DLGAP2: variants seen among roughly 807,000 people sequenced by gnomAD.
DLGAP2 encodes the protein DLG associated protein 2, also known as disks large-associated protein 2.
Under a neutral mutation model 100.3 loss-of-function variants are expected in DLGAP2, and 26 were observed. The observed-to-expected ratio is 0.26, with a 90% CI of 0.19 to 0.36. The LOEUF (loss-of-function observed/expected upper bound fraction) is 0.36. Among genes scored for constraint, DLGAP2 ranks in the 10% least tolerant of loss-of-function variants. The pLI is 1.00. For missense variants in DLGAP2, 1,858 were observed against 1,453.2 expected (o/e 1.28, Z -4.53); for synonymous variants, 886 against 630.1 (o/e 1.41, Z -6.08).
intron 7 of DLGAP2, among the ~76,000 whole-genome samples, chr8:1,630,628 G>A (rs1372950920): frequency 6.6e-6 from 1 of 151,998 alleles, no homozygotes; most frequent in African/African-American, 2.4e-5. Context: ...CGTGAATCCG[G>A]GAGGTGGAGC....
intron 1 of DLGAP2, among the ~76,000 whole-genome samples, chr8:779,662 C>G (rs1005716586): frequency 5.3e-5 from 8 of 151,850 alleles, no homozygotes; most frequent in African/African-American, 9.7e-5. Flanking sequence ...GTGGTAGTGA[C>G]TTAATGTTTT....
At chr8:758,266 G>A (rs186691345) in intron 1 of DLGAP2, among the ~76,000 whole-genome samples, 138 of 152,168 alleles carry the variant, frequency 9.1e-4, no homozygotes, top group Non-Finnish European at 1.1e-3. Context: ...GCAAAAACTC[G>A]GTAGTGCCAC....
At chr8:880,932 C>T (rs941737590) in intron 1 of DLGAP2, among the ~76,000 whole-genome samples, 44 of 152,320 alleles carry the variant, frequency 2.9e-4, no homozygotes, top group Non-Finnish European at 4.1e-4. Context: ...TATAACTAGT[C>T]GTATCACTTA....
chr8:1,566,032 T>G (rs762157201), intron 6 of DLGAP2, 138 bp downstream of exon 6: 1 of 600,462 alleles, frequency 1.7e-6, no homozygotes, highest in Middle Eastern at 4.8e-4. Context: ...GACCCATGGC[T>G]GTCAATTTTC....
chr8:1,146,274 C>G (rs910994936), intron 2 of DLGAP2, among the ~76,000 whole-genome samples: 2 of 152,188 alleles, frequency 1.3e-5, no homozygotes, highest in African/African-American at 4.8e-5. Flanking sequence ...TCTGATATCG[C>G]GTAGCCTCTG....
chr8:1,121,945 C>G (rs940242012), intron 2 of DLGAP2, among the ~76,000 whole-genome samples: 9 of 152,218 alleles, frequency 5.9e-5, no homozygotes, highest in Admixed American at 2.0e-4. Flanking sequence ...GGGAGACAGA[C>G]CCTCCTAGGT....
chr8:869,050 G>A (rs1025402673), intron 1 of DLGAP2, among the ~76,000 whole-genome samples: 1 of 152,234 alleles, frequency 6.6e-6, no homozygotes, highest in Non-Finnish European at 1.5e-5. Flanking sequence ...TGAGTACCAA[G>A]TCAGAAAGCA....
intron 2 of DLGAP2, among the ~76,000 whole-genome samples, chr8:952,780 T>A (rs1799511575): frequency 6.6e-6 from 1 of 152,260 alleles, no homozygotes; most frequent in Non-Finnish European, 1.5e-5. Context: ...TTTTTCAGAC[T>A]TCTCTAATTT....
intron 2 of DLGAP2, among the ~76,000 whole-genome samples, chr8:1,096,113 C>A (rs777032147): frequency 6.6e-6 from 1 of 152,216 alleles, no homozygotes; most frequent in African/African-American, 2.4e-5. Flanking sequence ...TTACATCACA[C>A]AAGTGTGTAA....
intron 2 of DLGAP2, among the ~76,000 whole-genome samples, chr8:1,176,242 G>T (rs565309320): frequency 6.2e-4 from 95 of 152,272 alleles, no homozygotes; most frequent in African/African-American, 2.2e-3. Flanking sequence ...CAAACCATCA[G>T]ACCTCGTGAG....
intron 10 of DLGAP2, among the ~76,000 whole-genome samples, chr8:1,670,593 G>A (rs368197562): frequency 3.3e-5 from 5 of 152,364 alleles, no homozygotes; most frequent in Non-Finnish European, 5.9e-5. Flanking sequence ...TTGGGTAAGC[G>A]AGTGGACGGA....
chr8:1,584,751 C>A (rs1027640727), intron 6 of DLGAP2, among the ~76,000 whole-genome samples: 1 of 152,170 alleles, frequency 6.6e-6, no homozygotes, highest in African/African-American at 2.4e-5. Context: ...GCTCACCCCA[C>A]ACCCGGCGGA....
chr8:1,341,882 G>A (rs560253924), intron 3 of DLGAP2, among the ~76,000 whole-genome samples: 1 of 152,294 alleles, frequency 6.6e-6, no homozygotes, highest in East Asian at 1.9e-4. Flanking sequence ...TGCACTGTGG[G>A]ATTCTAGCCT....
rs1204420825 is a variant in DLGAP2 at position 1,641,930 on chromosome 8, A to AC, written c.1810+8887dup. Among the ~76,000 whole-genome samples the AC allele has an allele frequency of 3.8e-3, 399 of 103,816 alleles. 3 individuals carry two copies. Among genetic ancestry groups the AC allele is most frequent in the African/African-American group, 0.014 (312 of 22,802 alleles). 68.1% of individuals were successfully genotyped at this position (103,816 alleles called of 152,430 possible). On this transcript the variant is annotated intron_variant, in intron 8 of 14. Coordinates refer to ENST00000637795, the MANE Select transcript of DLGAP2 (RefSeq NM_001346810.2). The stretch of plus-strand genomic sequence containing the variant: ...GACCCCGCCGGCCCTCACCTGTGTC[A>AC]CCCTCGACCCCGCCGGTCCTCACCT...
chr8:1,637,155 C>G (rs146817328), intron 8 of DLGAP2, among the ~76,000 whole-genome samples: 1 of 152,192 alleles, frequency 6.6e-6, no homozygotes, highest in Non-Finnish European at 1.5e-5. Context: ...TACCTCTGAC[C>G]GGGCCCTTCA....
chr8:1,123,256 G>C (rs562777255), intron 2 of DLGAP2, among the ~76,000 whole-genome samples: 1 of 152,160 alleles, frequency 6.6e-6, no homozygotes, highest in African/African-American at 2.4e-5. Context: ...GTAAAGCAAA[G>C]AATAATGAAA....
At chr8:1,476,290 T>C (rs1262823070) in intron 3 of DLGAP2, among the ~76,000 whole-genome samples, 1 of 152,196 alleles carries the variant, frequency 6.6e-6, no homozygotes, top group Non-Finnish European at 1.5e-5. Flanking sequence ...CCCTCTGAAG[T>C]CTTATTTACA....
Position 1,549,417 on chromosome 8 carries a change from C to G in DLGAP2, c.964C>G (p.Pro322Ala), listed in dbSNP as rs778052783. 1.9e-6 allele frequency: 3 copies of G among 1,613,446 alleles called. No homozygotes were observed. The Admixed American group carries it at 5.0e-5, about 27-fold the overall frequency. The change falls in exon 5 of 15, where the codon CCC becomes GCC. Residue 322 changes from proline to alanine, a missense_variant. Physicochemically the swap from Pro to Ala is conservative, Grantham distance 27 (BLOSUM62 -1). Coordinates refer to ENST00000637795, the MANE Select transcript of DLGAP2 (RefSeq NM_001346810.2). ...CGTGCTCAACCGGCACCACCTGGGCCCCGTGGCCCACTGCTACCCCGACGC... is the reference window on the plus strand; with the variant it reads ...CGTGCTCAACCGGCACCACCTGGGCGCCGTGGCCCACTGCTACCCCGACGC... ...PSVLNRHHLG[P>A]VAHCYPDALQ...
chr8:1,608,907 C>T (rs1796908840), intron 6 of DLGAP2, among the ~76,000 whole-genome samples: 1 of 151,886 alleles, frequency 6.6e-6, no homozygotes, highest in Non-Finnish European at 1.5e-5. Flanking sequence ...ACCAAATCTA[C>T]GTCTGATTGG....
Sources: gnomAD v4.1 joint callset for allele counts (sites outside exome capture counted in the v4.1 genomes callset) on GRCh38, gnomAD v4.1.1 for gene constraint, MANE v1.5 for transcripts, NCBI Gene and HGNC (gene_info 2026-07-23, HGNC 2026-07-21) for gene names.